The following JPH2 variants were observed in gnomAD, a reference collection of about 807,000 sequenced individuals.
JPH2 encodes junctophilin-2.
Under a neutral mutation model 55.9 loss-of-function variants are expected in JPH2, and 38 were observed. The ratio of observed to expected loss-of-function variants is 0.68; its 90% confidence interval spans 0.52 to 0.89. JPH2 has a LOEUF of 0.89. Among genes scored for constraint, JPH2 ranks in the 40% least tolerant of loss-of-function variants. The pLI is 0.00. For synonymous variants in JPH2, 480 were observed against 472.4 expected (o/e 1.02, Z -0.21); for missense variants, 964 against 1,037.6 (o/e 0.93, Z 0.97).
intron 1 of JPH2, among the ~76,000 whole-genome samples, chr20:44,179,370 A>C (rs1403373085): frequency 6.6e-6 from 1 of 152,258 alleles, no homozygotes; most frequent in Non-Finnish European, 1.5e-5. Flanking sequence ...GGAATAAAAC[A>C]CATATCTTAT....
At chr20:44,148,521 G>T (rs1354267279) in intron 2 of JPH2, among the ~76,000 whole-genome samples, 1 of 152,236 alleles carries the variant, frequency 6.6e-6, no homozygotes, top group African/African-American at 2.4e-5. Flanking sequence ...AGGAAACAAA[G>T]GGTTCTTCGT....
intron 2 of JPH2, among the ~76,000 whole-genome samples, chr20:44,151,344 C>T (rs1394683868): frequency 6.6e-6 from 1 of 152,050 alleles, no homozygotes; most frequent in African/African-American, 2.4e-5. Flanking sequence ...TGGACAAACC[C>T]CTCCTCTACT....
rs762015865 is a variant in JPH2 at position 44,186,736 on chromosome 20, C to G, written c.-31G>C. On this transcript the variant is annotated 5_prime_UTR_variant, in exon 1 of 6. Coordinates refer to ENST00000372980, the MANE Select transcript of JPH2 (RefSeq NM_020433.5). ...CATAGCCCCTGACAACCTCCCCGTC[C>G]TCCAGCGTGGGTGCAGAGGGCGTGG... is the stretch of plus-strand genomic sequence containing the variant. 1 of 1,596,076 alleles carries G rather than the reference C, an allele frequency of 6.3e-7. No homozygotes were observed. Among genetic ancestry groups the G allele is most frequent in the Non-Finnish European group, 8.5e-7 (1 of 1,178,188 alleles).
chr20:44,160,068 C>T lies in JPH2; in HGVS notation c.719G>A (p.Gly240Asp). ...GAAGCTGACACGGCTGCGCTGGCTACCCACGGACGTGCGCGACTCTGCGCG... is the reference window on the plus strand; with the variant it reads ...GAAGCTGACACGGCTGCGCTGGCTATCCACGGACGTGCGCGACTCTGCGCG... ...LRRAESRTSV[G>D]SQRSRVSFLK... The change falls in exon 2 of 6, where the codon GGT becomes GAT. Residue 240 changes from glycine (G) to aspartate (D), a missense_variant. Coordinates refer to ENST00000372980, the MANE Select transcript of JPH2 (RefSeq NM_020433.5). This position sits in a 1 kb window ranked among gnomAD's most constrained non-coding sequence, Gnocchi z 4.9. The T allele has an allele frequency of 6.5e-7, 1 of 1,538,832 alleles. No individual in the cohort carries two copies. The highest frequency in any genetic ancestry group is 8.7e-7 in the Non-Finnish European group (1 of 1,148,178).
chr20:44,166,058 G>C (rs2072653975), intron 1 of JPH2, among the ~76,000 whole-genome samples: 1 of 152,180 alleles, frequency 6.6e-6, no homozygotes, highest in African/African-American at 2.4e-5. Context: ...TATCCTCAGT[G>C]CCTCGAACTG....
At chr20:44,120,704 A>T (rs1036718119) in intron 2 of JPH2, among the ~76,000 whole-genome samples, 2 of 152,206 alleles carry the variant, frequency 1.3e-5, no homozygotes, top group Admixed American at 1.3e-4. Flanking sequence ...GACCACACAG[A>T]AAATACACTA....
chr20:44,144,237 A>G (rs2072478137), intron 2 of JPH2, among the ~76,000 whole-genome samples: 1 of 152,130 alleles, frequency 6.6e-6, no homozygotes, highest in Non-Finnish European at 1.5e-5. Flanking sequence ...AACCCAGAGG[A>G]GAGAAGCGGC....
rs2072486867 is a variant in JPH2 at position 44,145,430 on chromosome 20, C to A, written c.1169+14188G>T. On this transcript the variant is annotated intron_variant, in intron 2 of 5. Transcript: ENST00000372980. Reference sequence around the variant, plus strand: ...GACCAGCCTGGCCAACATAGTGAAACCCCCGTCTCTACGAAAAATACAAAA... The same window carrying A: ...GACCAGCCTGGCCAACATAGTGAAAACCCCGTCTCTACGAAAAATACAAAA... Among the ~76,000 whole-genome samples, 3 of 152,126 alleles carry A rather than the reference C, an allele frequency of 2.0e-5. No homozygotes were observed. The South Asian group carries it at 6.2e-4, about 32-fold the overall frequency.
In JPH2 at chr20:44,160,552, C is replaced by G; in HGVS notation, c.380-145G>C. The G allele has an allele frequency of 1.2e-6, 1 of 810,558 alleles. No homozygotes were observed. The highest frequency in any genetic ancestry group is 2.0e-6 in the Non-Finnish European group (1 of 489,194). 50.2% of individuals were successfully genotyped at this position (810,558 alleles called of 1,614,324 possible). ...CGTCTGAGGGTCAGGGTGCACAGTG[C>G]TATGAGTGTTTGAGTCTACTCGAGT... On this transcript the variant is annotated intron_variant, in intron 1 of 5. Transcript: ENST00000372980. The surrounding 1 kb of genome is among the most constrained non-coding windows in gnomAD (Gnocchi z 4.9).
At position 44,128,260 on chromosome 20, in the gene JPH2, G is replaced by A. The variant is rs181052312; in HGVS notation, c.1170-9637C>T. ...TCTTCTACTTACTTCTACAAACACT[G>A]TTTCTAATAAGAAAAAATGGGAAAT... On this transcript the variant is annotated intron_variant, in intron 2 of 5. Coordinates refer to ENST00000372980, the MANE Select transcript of JPH2 (RefSeq NM_020433.5). Among the ~76,000 whole-genome samples the A allele has an allele frequency of 5.3e-5, 8 of 152,246 alleles. No homozygotes were observed. In the East Asian group the frequency reaches 1.5e-3, roughly 29 times the overall value.
chr20:44,114,477 C>T (rs923895890), intron 5 of JPH2, among the ~76,000 whole-genome samples: 1 of 152,024 alleles, frequency 6.6e-6, no homozygotes, highest in African/African-American at 2.4e-5. Context: ...CAGAGCAGTA[C>T]ATGTTGGCCA....
At chr20:44,138,666 G>T (rs1240747617) in intron 2 of JPH2, among the ~76,000 whole-genome samples, 7 of 152,164 alleles carry the variant, frequency 4.6e-5, no homozygotes, top group Non-Finnish European at 1.0e-4. Flanking sequence ...TTACAGGCAT[G>T]AGCCACTGCA....
intron 2 of JPH2, among the ~76,000 whole-genome samples, chr20:44,156,900 G>A (rs535426902): frequency 5.9e-5 from 9 of 152,170 alleles, no homozygotes; most frequent in Admixed American, 1.3e-4. Context: ...TGATGCCAAC[G>A]GCTCACACAC....
intron 2 of JPH2, among the ~76,000 whole-genome samples, chr20:44,125,581 T>C (rs1342316379): frequency 6.6e-6 from 1 of 152,106 alleles, no homozygotes; most frequent in Non-Finnish European, 1.5e-5. Flanking sequence ...AGGATGGAAA[T>C]GAATAGGACC....
At chr20:44,175,989 G>A (rs553395723) in intron 1 of JPH2, among the ~76,000 whole-genome samples, 9 of 152,224 alleles carry the variant, frequency 5.9e-5, no homozygotes, top group African/African-American at 1.7e-4. Flanking sequence ...CTGAACTCCT[G>A]ACCCTTCCTC....
At chr20:44,177,903 A>G in intron 1 of JPH2, 1 of 1,554,070 alleles carries the variant, frequency 6.4e-7, no homozygotes, top group African/African-American at 1.4e-5. Flanking sequence ...TGTGCCAGGC[A>G]TGATGCTCAG....
chr20:44,110,566 A>C lies in JPH2; in HGVS notation c.*2952T>G, dbSNP rs2072134774. Among the ~76,000 whole-genome samples, 1 of 152,064 alleles carries C rather than the reference A, an allele frequency of 6.6e-6. No homozygotes were observed. The highest frequency in any genetic ancestry group is 2.4e-5 in the African/African-American group (1 of 41,392). Reference sequence around the variant, plus strand: ...CAGTCTCCCAACTAGCTGGGTTTACAGGTACGCGCCACCACACTTGGCTAA... The same window carrying C: ...CAGTCTCCCAACTAGCTGGGTTTACCGGTACGCGCCACCACACTTGGCTAA... On this transcript the variant is annotated 3_prime_UTR_variant, in exon 6 of 6. Coordinates refer to ENST00000372980, the MANE Select transcript of JPH2 (RefSeq NM_020433.5).
At chr20:44,173,670 C>T (rs1400702351) in intron 1 of JPH2, among the ~76,000 whole-genome samples, 2 of 152,202 alleles carry the variant, frequency 1.3e-5, no homozygotes, top group East Asian at 1.9e-4. Context: ...AATCCTAGCA[C>T]TTTGGGAGGC....
chr20:44,165,296 A>G (rs986321305), intron 1 of JPH2, among the ~76,000 whole-genome samples: 1 of 149,390 alleles, frequency 6.7e-6, no homozygotes, highest in Non-Finnish European at 1.5e-5. Context: ...TTCAGGAAAA[A>G]AAAAAACAAA....
Sources: allele counts gnomAD v4.1 joint callset (sites outside exome capture counted in the v4.1 genomes callset), GRCh38; gene constraint gnomAD v4.1.1; non-coding constraint Gnocchi (gnomAD v3.1); transcripts MANE v1.5; gene names NCBI Gene and HGNC (gene_info 2026-07-23, HGNC 2026-07-21).